The following TACC2 variants were observed in gnomAD, a reference collection of about 807,000 sequenced individuals.
The protein encoded by TACC2 is transforming acidic coiled-coil containing protein 2.
A neutral mutation model predicts 227.3 loss-of-function variants in TACC2; 137 were observed. That is an observed-to-expected ratio of 0.60 (90% confidence interval 0.52 to 0.69). The LOEUF is 0.69. TACC2 is among the 30% of genes least tolerant of loss of function. The probability of loss-of-function intolerance (pLI) is 0.00; values close to 1 mark genes in which losing one functional copy is unlikely to be tolerated. For missense variants in TACC2, 3,470 were observed against 3,694.4 expected, an observed-to-expected ratio of 0.94 and a Z score of 1.57; for synonymous variants, 1,523 against 1,487.5, an observed-to-expected ratio of 1.02 and a Z score of -0.55.
At chr10:122,063,233 A>T (rs898212064) in intron 3 of TACC2, among the ~76,000 whole-genome samples, 1 of 152,218 alleles carries the variant, frequency 6.6e-6, no homozygotes, top group Non-Finnish European at 1.5e-5. Context: ...GCTCTTACAG[A>T]CAGAGCCCTG....
Position 122,213,259 on chromosome 10 carries a change from A to G in TACC2, c.7283+1551A>G, listed in dbSNP as rs7087519. The G allele has an allele frequency of 5.5e-4, 803 of 1,457,782 alleles. 5 individuals carry two copies. In the African/African-American group the frequency reaches 9.8e-3, roughly 18 times the overall value. 90.3% of individuals were successfully genotyped at this position (1,457,782 alleles called of 1,614,324 possible). ...AGCGGTGGCCGCCATATCCTAACCCATTAATAACCAGTTGTCTGCAGATTT... is the reference window on the plus strand; with the variant it reads ...AGCGGTGGCCGCCATATCCTAACCCGTTAATAACCAGTTGTCTGCAGATTT... On this transcript the variant is annotated intron_variant, in intron 9 of 22. Coordinates refer to ENST00000369005, the MANE Select transcript of TACC2 (RefSeq NM_206862.4).
intron 8 of TACC2, among the ~76,000 whole-genome samples, chr10:122,203,685 G>C (rs935508618): frequency 1.3e-5 from 2 of 151,622 alleles, no homozygotes; most frequent in Non-Finnish European, 2.9e-5. Flanking sequence ...TGGGCAGCCA[G>C]GCAGAGGGGC....
intron 5 of TACC2, among the ~76,000 whole-genome samples, chr10:122,129,465 T>C (rs1370132780): frequency 6.6e-6 from 1 of 152,200 alleles, no homozygotes; most frequent in Middle Eastern, 3.2e-3. Context: ...GATTTTTTGC[T>C]ATCGTGATTC....
Position 122,083,744 on chromosome 10 carries a change from A to T in TACC2, c.1244A>T (p.Glu415Val). The change falls in exon 4 of 23, where the codon GAA (glutamate) becomes GTA (valine). Residue 415 changes from glutamate to valine, a missense_variant. Physicochemically the swap from Glu to Val is moderately radical, Grantham distance 121. Around this residue, in one of 10 missense-constraint regions of TACC2, gnomAD observed 1,924 missense variants for 1,978.3 expected, o/e 0.97. Coordinates refer to ENST00000369005, the MANE Select transcript of TACC2 (RefSeq NM_206862.4). ...PEPSLLTPTE[E>V]AHPASSLASF... ...CCTTCCCTGCTCACTCCGACTGAGG[A>T]AGCACATCCAGCTTCAAGCCTCGCT... 1 of 1,614,046 alleles carries T rather than the reference A, an allele frequency of 6.2e-7. No individual in the cohort carries two copies. The highest frequency in any genetic ancestry group is 2.2e-5 in the East Asian group (1 of 44,876).
At chr10:122,148,608 G>A (rs1423230324) in intron 7 of TACC2, among the ~76,000 whole-genome samples, 1 of 152,238 alleles carries the variant, frequency 6.6e-6, no homozygotes, top group Non-Finnish European at 1.5e-5. Context: ...GAGACCTGGT[G>A]TATTGACAAA....
chr10:122,135,260 C>T (rs1432847073), intron 6 of TACC2, among the ~76,000 whole-genome samples: 1 of 152,128 alleles, frequency 6.6e-6, no homozygotes, highest in Non-Finnish European at 1.5e-5. Context: ...CCTGGGGCCC[C>T]GCCTGTATCC....
intron 3 of TACC2, among the ~76,000 whole-genome samples, chr10:122,062,668 C>G (rs1286557476): frequency 1.3e-5 from 2 of 152,068 alleles, no homozygotes; most frequent in Non-Finnish European, 2.9e-5. Flanking sequence ...TAAGCTCAAC[C>G]TCTTGGCTTT....
At chr10:122,014,931 T>G (rs956798034) in intron 1 of TACC2, among the ~76,000 whole-genome samples, 2 of 152,174 alleles carry the variant, frequency 1.3e-5, no homozygotes, top group African/African-American at 4.8e-5. Flanking sequence ...GTTATAAAAC[T>G]AAATAAACAA....
At chr10:122,201,589 C>T (rs879769944) in intron 8 of TACC2, among the ~76,000 whole-genome samples, 3 of 152,260 alleles carry the variant, frequency 2.0e-5, no homozygotes, top group Non-Finnish European at 4.4e-5. Flanking sequence ...CCCCAACCCT[C>T]TGGACGCACA....
At chr10:121,993,390 A>G (rs753299300) in intron 1 of TACC2, among the ~76,000 whole-genome samples, 1 of 152,230 alleles carries the variant, frequency 6.6e-6, no homozygotes, top group Non-Finnish European at 1.5e-5. Flanking sequence ...TTATACATTC[A>G]CATGAGATAA....
intron 5 of TACC2, among the ~76,000 whole-genome samples, chr10:122,090,602 C>T (rs979577748): frequency 6.7e-6 from 1 of 148,266 alleles, no homozygotes; most frequent in African/African-American, 2.5e-5. Context: ...GAGAAAAATT[C>T]ACAACCACAA....
intron 1 of TACC2, among the ~76,000 whole-genome samples, chr10:122,008,621 G>A (rs1395371604): frequency 6.6e-6 from 1 of 151,684 alleles, no homozygotes; most frequent in Non-Finnish European, 1.5e-5. Context: ...CACCCAGGCT[G>A]GAGTGCAGTG....
intron 5 of TACC2, among the ~76,000 whole-genome samples, chr10:122,103,174 A>C (rs1334630554): frequency 7.1e-6 from 1 of 141,806 alleles, no homozygotes; most frequent in Non-Finnish European, 1.6e-5. Flanking sequence ...AATTCCTATG[A>C]TATGGCTGGG....
rs752479102 is a variant in TACC2, at chr10:122,143,734, C to T, written c.5834+28C>T. 1.4e-5 allele frequency: 23 copies of T among 1,606,680 alleles called. No individual in the cohort carries two copies. The East Asian group carries it at 4.5e-4, about 31-fold the overall frequency. On this transcript the variant is annotated intron_variant, in intron 7 of 22. Transcript: ENST00000369005. ...ATTGCGCAAGTCCCCCTCCACAGCA[C>T]CTGCCCCCGGAGAGCAGGGGCCTGG...
At position 122,226,432 on chromosome 10, in the gene TACC2, G is replaced by C; in HGVS notation, c.7675G>C (p.Val2559Leu). The C allele has an allele frequency of 6.2e-7, 1 of 1,614,076 alleles. No individual in the cohort carries two copies. Among genetic ancestry groups the C allele is most frequent in the Non-Finnish European group, 8.5e-7 (1 of 1,180,004 alleles). Residue 2559 changes from valine (V) to leucine (L), a missense_variant, in exon 13 of 23, where the codon GTC (valine) becomes CTC (leucine). Physicochemically the swap from Val to Leu is conservative, Grantham distance 32 (BLOSUM62 1). Coordinates refer to ENST00000369005, the MANE Select transcript of TACC2 (RefSeq NM_206862.4). ...LMFDTSQESP[V>L]KSSPVRMSES... ...GTTTGACACTTCTCAGGAGAGCCCT[G>C]TCAAGTCATCTCCCGTCCGCATGTC...
At chr10:122,120,582 C>T (rs1316908239) in intron 5 of TACC2, among the ~76,000 whole-genome samples, 1 of 152,146 alleles carries the variant, frequency 6.6e-6, no homozygotes. Flanking sequence ...CTGTAGGGTC[C>T]TTCGCTGAGA....
At position 122,087,027 on chromosome 10, in the gene TACC2, G is replaced by T. The variant is rs1201971567; in HGVS notation, c.4527G>T (p.Leu1509Phe). 4 of 1,613,882 alleles carry T rather than the reference G, an allele frequency of 2.5e-6. No individual in the cohort carries two copies. Among genetic ancestry groups the T allele is most frequent in the African/African-American group, 2.7e-5 (2 of 75,058 alleles). The change falls in exon 4 of 23, where the codon TTG becomes TTT. Residue 1509 changes from leucine to phenylalanine, a missense_variant. Physicochemically the swap from Leu to Phe is conservative, Grantham distance 22 (BLOSUM62 0). Transcript: ENST00000369005. ...CAGGGCTGACCTGGGAGCGGAACTT[G>T]CCAGGTGCCGGTGTGGGGAAGGAGA... ...GPAGLTWERN[L>F]PGAGVGKEMA...
At chr10:122,175,206 T>A (rs1050074736) in intron 7 of TACC2, among the ~76,000 whole-genome samples, 4 of 152,312 alleles carry the variant, frequency 2.6e-5, no homozygotes, top group Admixed American at 6.5e-5. Context: ...TCTCCTGCCT[T>A]GGCCTCCCAA....
intron 7 of TACC2, among the ~76,000 whole-genome samples, chr10:122,184,706 C>T (rs1002296221): frequency 1.7e-4 from 26 of 152,106 alleles, no homozygotes; most frequent in African/African-American, 2.7e-4. Context: ...CATCTGTGTA[C>T]GTGAATATAC....
Sources: allele counts gnomAD v4.1 joint callset (sites outside exome capture counted in the v4.1 genomes callset), GRCh38; gene constraint gnomAD v4.1.1; regional missense constraint gnomAD v4.1.1; transcripts MANE v1.5; gene names NCBI Gene and HGNC (gene_info 2026-07-23, HGNC 2026-07-21).